Variants in ALG5 observed in about 807,000 individuals in gnomAD.
ALG5 encodes ALG5 dolichyl-phosphate beta-glucosyltransferase.
A neutral mutation model predicts 51.8 loss-of-function variants in ALG5; 26 were observed. The ratio of observed to expected loss-of-function variants is 0.50; its 90% CI spans 0.37 to 0.70. ALG5 has a LOEUF of 0.70. Among genes scored for constraint, ALG5 ranks in the 30% least tolerant of loss-of-function variants. ALG5 has a pLI of 0.00. For missense variants in ALG5, 311 were observed against 399.3 expected, an observed-to-expected ratio of 0.78 and a Z score of 1.88; for synonymous variants, 141 against 136.1, an observed-to-expected ratio of 1.04 and a Z score of -0.25.
At chr13:36,976,425 C>CAA (rs57192095) in intron 6 of ALG5, among the ~76,000 whole-genome samples, 154 of 36,230 alleles carry the variant, frequency 4.3e-3, no homozygotes, top group East Asian at 7.9e-3. Context: ...GACTCTGTCT[C>CAA]AAAAAAAAAA....
At chr13:36,951,976 G>A (rs562104497) in intron 9 of ALG5, among the ~76,000 whole-genome samples, 2 of 152,166 alleles carry the variant, frequency 1.3e-5, no homozygotes, top group East Asian at 3.9e-4. Context: ...TAGTAAAGAC[G>A]GGGTTTCACC....
chr13:36,998,921 G>A (rs145005903), intron 1 of ALG5: 2 of 285,740 alleles, frequency 7.0e-6, no homozygotes, highest in Admixed American at 5.3e-5. Context: ...GTTGACAGAG[G>A]AGGTGGGTAG....
chr13:36,994,699 C>T (rs1437655659), intron 3 of ALG5, among the ~76,000 whole-genome samples: 1 of 151,642 alleles, frequency 6.6e-6, no homozygotes, highest in Admixed American at 6.5e-5. Context: ...TGCAGACATA[C>T]ACTGTCACTC....
chr13:36,988,581 T>C (rs190383592), intron 5 of ALG5, among the ~76,000 whole-genome samples: 23 of 152,388 alleles, frequency 1.5e-4, no homozygotes, highest in Admixed American at 1.2e-3. Context: ...TCTTATCATC[T>C]GATAACACTG....
chr13:36,980,675 T>C (rs898284038), intron 6 of ALG5, among the ~76,000 whole-genome samples: 11 of 151,960 alleles, frequency 7.2e-5, no homozygotes, highest in African/African-American at 2.4e-4. Context: ...ACAAGTAAAA[T>C]ATAAATGAAA....
intron 7 of ALG5, among the ~76,000 whole-genome samples, chr13:36,971,649 C>CAAAA (rs35424140): frequency 0.12 from 5,422 of 45,092 alleles, 231 homozygotes; most frequent in Middle Eastern, 0.24. Context: ...ACTCCGTCTC[C>CAAAA]AAAAAAAAAA....
rs1003071488 is a variant in ALG5, at chr13:36,954,910, A to G, written c.774-2311T>C. Among the ~76,000 whole-genome samples, 6 of 152,194 alleles carry G rather than the reference A, an allele frequency of 3.9e-5. No individual in the cohort carries two copies. The South Asian group carries it at 1.2e-3, about 32-fold the overall frequency. On this transcript the variant is annotated intron_variant, in intron 8 of 9. Transcript: ENST00000239891. Reference sequence around the variant, plus strand: ...CAATATGGAATAAACATATAAGAACAAAGATGGGAGGAAATGATAATAAAA... The same window carrying G: ...CAATATGGAATAAACATATAAGAACGAAGATGGGAGGAAATGATAATAAAA...
In ALG5 at chr13:36,991,697, G is replaced by C. The variant is rs186380074; in HGVS notation, c.354+1907C>G. Among the ~76,000 whole-genome samples the C allele has an allele frequency of 5.3e-5, 8 of 152,318 alleles. No individual in the cohort carries two copies. In the East Asian group the frequency reaches 9.6e-4, roughly 18 times the overall value. On this transcript the variant is annotated intron_variant, in intron 4 of 9. Transcript: ENST00000239891. ...AACTTTGGGTGTGGGCTTTAGTAGA[G>C]GGAGGGGTGAGGACTTCTGATAAAG...
intron 8 of ALG5, among the ~76,000 whole-genome samples, chr13:36,957,567 C>T (rs897882955): frequency 2.9e-4 from 43 of 150,740 alleles, no homozygotes; most frequent in Admixed American, 1.3e-4. Context: ...AGAAAATGAA[C>T]GAAACACTCA....
intron 7 of ALG5, among the ~76,000 whole-genome samples, chr13:36,971,649 CAAAA>C (rs35424140): frequency 2.0e-5 from 1 of 50,700 alleles, no homozygotes; most frequent in Non-Finnish European, 3.3e-5. Context: ...ACTCCGTCTC[CAAAA>C]AAAAAAAAAA....
At chr13:36,981,364 G>A (rs1010450517) in intron 6 of ALG5, among the ~76,000 whole-genome samples, 3 of 152,126 alleles carry the variant, frequency 2.0e-5, no homozygotes, top group African/African-American at 7.2e-5. Flanking sequence ...AGACAGTCAC[G>A]TAATTATAGG....
At position 36,965,667 on chromosome 13, in the gene ALG5, A is replaced by G. The variant is rs1472199457; in HGVS notation, c.681T>C (p.Cys227=). 1 of 1,613,696 alleles carries G rather than the reference A, an allele frequency of 6.2e-7. No homozygotes were observed. Among genetic ancestry groups the G allele is most frequent in the African/African-American group, 1.3e-5 (1 of 74,926 alleles). ...ACTGTGTGTCCCTGATTCCTTTGAC[A>G]CAAAGGAACCACACCAGAAAGTGGA... ...YGFHFLVWFL[C]VKGIRDTQCG... Residue 227 remains cysteine (C), a synonymous_variant, in exon 8 of 10, where the codon TGT becomes TGC. Transcript: ENST00000239891.
intron 6 of ALG5, among the ~76,000 whole-genome samples, chr13:36,984,895 A>G (rs1186984807): frequency 2.0e-5 from 3 of 152,094 alleles, no homozygotes; most frequent in Non-Finnish European, 2.9e-5. Context: ...TGTGTCCCCA[A>G]TTCAGCTTAC....
chr13:36,961,308 A>T (rs2058865679), intron 8 of ALG5, among the ~76,000 whole-genome samples: 1 of 151,956 alleles, frequency 6.6e-6, no homozygotes, highest in African/African-American at 2.4e-5. Flanking sequence ...CCAGCTACTC[A>T]GCAGGCTGAG....
chr13:36,959,630 G>T (rs970710121), intron 8 of ALG5, among the ~76,000 whole-genome samples: 21 of 152,044 alleles, frequency 1.4e-4, no homozygotes, highest in African/African-American at 4.6e-4. Flanking sequence ...TTCAGAATTG[G>T]ACTCCTTCAC....
intron 8 of ALG5, among the ~76,000 whole-genome samples, chr13:36,954,391 C>T (rs2058831114): frequency 6.6e-6 from 1 of 152,106 alleles, no homozygotes; most frequent in Non-Finnish European, 1.5e-5. Flanking sequence ...GAAGAGGTTT[C>T]ATTATGTATC....
chr13:36,975,984 AAAC>A lies in ALG5; in HGVS notation c.562-3951_562-3949del, dbSNP rs1218960734. 1.9e-3 allele frequency among the ~76,000 whole-genome samples: 289 copies of A among 152,074 alleles called. 1 individual carries two copies. Among genetic ancestry groups the A allele is most frequent in the African/African-American group, 6.7e-3 (280 of 41,490 alleles). On this transcript the variant is annotated intron_variant, in intron 6 of 9. Transcript: ENST00000239891. ...GCAGTAACTTGTCTCAAAAAAAAAA[AAAC>A]AAAACAAAACATGTTACTTACATTC... is the stretch of plus-strand genomic sequence containing the variant.
chr13:36,965,922 T>C (rs2058891097), intron 7 of ALG5, among the ~76,000 whole-genome samples, 196 bp from the exon 8 acceptor site: 1 of 151,936 alleles, frequency 6.6e-6, no homozygotes, highest in South Asian at 2.1e-4. Context: ...TGGAGCAGAG[T>C]AGAGGCACTA....
intron 1 of ALG5, among the ~76,000 whole-genome samples, chr13:36,995,915 T>A (rs935674020): frequency 6.6e-6 from 1 of 152,174 alleles, no homozygotes; most frequent in African/African-American, 2.4e-5. Flanking sequence ...ACCAGTCTAC[T>A]CTCAGGTGCC....
Sources: allele counts gnomAD v4.1 joint callset (sites outside exome capture counted in the v4.1 genomes callset), GRCh38; gene constraint gnomAD v4.1.1; transcripts MANE v1.5; gene names NCBI Gene and HGNC (gene_info 2026-07-23, HGNC 2026-07-21).